MCF2L: variants seen among roughly 807,000 people sequenced by gnomAD.
MCF2L encodes MCF.2 cell line derived transforming sequence like, also known as guanine nucleotide exchange factor DBS.
Under a neutral mutation model 153.4 loss-of-function variants are expected in MCF2L, and 97 were observed. The observed-to-expected ratio is 0.63, with a 90% CI of 0.54 to 0.75. The LOEUF is 0.75. Ranked by LOEUF, MCF2L falls within the 30% of genes least tolerant of loss-of-function variation. The pLI is 0.00. For missense variants in MCF2L, 1,347 were observed against 1,495.2 expected (o/e 0.90, Z 1.64); for synonymous variants, 659 against 632.2 (o/e 1.04, Z -0.64).
rs774812066 is a variant in MCF2L at position 113,035,546 on chromosome 13, C to G, written c.279-9725C>G. Among the ~76,000 whole-genome samples the G allele has an allele frequency of 6.6e-6, 1 of 152,204 alleles. No individual in the cohort carries two copies. The highest frequency in any genetic ancestry group is 1.5e-5 in the Non-Finnish European group (1 of 68,038). Reference sequence around the variant, plus strand: ...GTCCTGTCTCCCCTCCTCTGGCCCCCTCCCTGGCTCCTTCGCCTGCTGCCT... The same window carrying G: ...GTCCTGTCTCCCCTCCTCTGGCCCCGTCCCTGGCTCCTTCGCCTGCTGCCT... On this transcript the variant is annotated intron_variant, in intron 3 of 29. Transcript: ENST00000535094. The surrounding 1 kb of genome is among the most constrained non-coding windows in gnomAD (Gnocchi z 4.4).
chr13:113,088,223 C>A (rs1220833203), intron 23 of MCF2L, 104 bp from the exon 24 acceptor site: 15 of 1,040,964 alleles, frequency 1.4e-5, no homozygotes, highest in East Asian at 2.4e-5. Flanking sequence ...GCCACCTGAC[C>A]TTTGACTCCT....
intron 3 of MCF2L, among the ~76,000 whole-genome samples, chr13:113,032,523 C>A (rs1161881841): frequency 6.6e-6 from 1 of 152,094 alleles, no homozygotes; most frequent in African/African-American, 2.4e-5. Context: ...TGTGTCGTGG[C>A]GCCCTTCTAC....
At chr13:113,058,281 A>G (rs1262626169) in intron 4 of MCF2L, among the ~76,000 whole-genome samples, 5 of 129,206 alleles carry the variant, frequency 3.9e-5, no homozygotes, top group African/African-American at 1.5e-4. Flanking sequence ...GTGGGTGCTG[A>G]GTGTTTGGGC....
rs2086836339 is a variant in MCF2L, at chr13:113,046,667, C to T, written c.369+1306C>T. 13 of 532,988 alleles carry T rather than the reference C, an allele frequency of 2.4e-5. No homozygotes were observed. Among genetic ancestry groups the T allele is most frequent in the Admixed American group, 1.2e-4 (6 of 51,492 alleles). The allele number at this position is 532,988 out of a possible 1,614,324, so 33.0% of individuals were successfully genotyped here. Reference sequence around the variant, plus strand: ...TTTTGGTGCAAGCCTGTCCCTGAGCCGCTGGTTCTCATCGAAGTCTTTAGG... The same window carrying T: ...TTTTGGTGCAAGCCTGTCCCTGAGCTGCTGGTTCTCATCGAAGTCTTTAGG... On this transcript the variant is annotated intron_variant, in intron 4 of 29. Coordinates refer to ENST00000535094, the MANE Select transcript of MCF2L (RefSeq NM_001112732.3). This position sits in a 1 kb window ranked among gnomAD's most constrained non-coding sequence, Gnocchi z 4.4.
chr13:112,922,242 GC>G (rs372199997), intron 2 of MCF2L, among the ~76,000 whole-genome samples: 4 of 152,170 alleles, frequency 2.6e-5, no homozygotes, highest in African/African-American at 9.7e-5. Flanking sequence ...TACTGATAGA[GC>G]CAAAGTCTAG....
chr13:112,900,755 AG>A (rs2140492997), intron 1 of MCF2L, among the ~76,000 whole-genome samples: 1 of 152,118 alleles, frequency 6.6e-6, no homozygotes, highest in South Asian at 2.1e-4. Flanking sequence ...TGTCCTGGGC[AG>A]GCTTCGTCCT....
chr13:113,030,778 G>A (rs1378635237), intron 3 of MCF2L, among the ~76,000 whole-genome samples: 3 of 152,220 alleles, frequency 2.0e-5, no homozygotes, highest in Non-Finnish European at 4.4e-5. Flanking sequence ...AGAGGCGATA[G>A]AGACCAGCGA....
intron 18 of MCF2L, 87 bp from the exon 19 acceptor site, chr13:113,084,805 T>C: frequency 1.0e-6 from 1 of 980,464 alleles, no homozygotes; most frequent in Non-Finnish European, 1.6e-6. Flanking sequence ...TGCCCGTCCC[T>C]CACCGCGTAA....
intron 2 of MCF2L, among the ~76,000 whole-genome samples, chr13:112,942,525 C>A (rs1164863354): frequency 6.6e-6 from 1 of 152,192 alleles, no homozygotes; most frequent in Non-Finnish European, 1.5e-5. Flanking sequence ...TTTCTTTTAT[C>A]TCTTTGTCTT....
chr13:113,057,092 G>A (rs1458544071), intron 4 of MCF2L, among the ~76,000 whole-genome samples: 3 of 147,782 alleles, frequency 2.0e-5, no homozygotes, highest in African/African-American at 7.5e-5. Context: ...GGTGCTGAGT[G>A]TTTGGGTGCT....
At chr13:112,959,846 C>T (rs1250920607) in intron 2 of MCF2L, among the ~76,000 whole-genome samples, 1 of 152,200 alleles carries the variant, frequency 6.6e-6, no homozygotes, top group African/African-American at 2.4e-5. Flanking sequence ...CGAATTTAGA[C>T]TATTTGGAGT....
At chr13:113,022,272 T>C (rs2084927715) in intron 2 of MCF2L, among the ~76,000 whole-genome samples, 1 of 151,534 alleles carries the variant, frequency 6.6e-6, no homozygotes, top group Non-Finnish European at 1.5e-5. Flanking sequence ...CACTCCAAGC[T>C]CCCAGGCTGC....
At position 113,070,012 on chromosome 13, in the gene MCF2L, T is replaced by G; in HGVS notation, c.882-47T>G. The G allele has an allele frequency of 1.4e-6, 2 of 1,398,702 alleles. No individual in the cohort carries two copies. Among genetic ancestry groups the G allele is most frequent in the Non-Finnish European group, 2.0e-6 (2 of 1,001,060 alleles). The allele number at this position is 1,398,702 out of a possible 1,614,324, so 86.6% of individuals were successfully genotyped here. A position where few individuals can be genotyped will look rare whatever the true frequency, so the allele number is the denominator to read the frequency against. ...AACACCCACCGCGCTCCACGTTGCA[T>G]GGGGCGCCGTGGGCCACACAGACGG... is the stretch of plus-strand genomic sequence containing the variant. On this transcript the variant is annotated intron_variant, in intron 8 of 29. Transcript: ENST00000535094. This position sits in a 1 kb window ranked among gnomAD's most constrained non-coding sequence, Gnocchi z 5.6.
intron 1 of MCF2L, among the ~76,000 whole-genome samples, chr13:113,004,748 C>T (rs960938956): frequency 2.0e-5 from 3 of 152,226 alleles, no homozygotes; most frequent in African/African-American, 4.8e-5. Context: ...CTGTGGCAGC[C>T]GCTGGCCCAC....
At chr13:112,992,079 C>T (rs933686697) in intron 1 of MCF2L, among the ~76,000 whole-genome samples, 2 of 152,256 alleles carry the variant, frequency 1.3e-5, no homozygotes, top group Non-Finnish European at 2.9e-5. Context: ...ACACCTGACC[C>T]GACAGTCACA....
chr13:112,896,457 G>GCCC (rs59245470), intron 1 of MCF2L, among the ~76,000 whole-genome samples: 6,396 of 151,278 alleles, frequency 0.042, 479 homozygotes, highest in African/African-American at 0.15. Flanking sequence ...CAGAAGAGAG[G>GCCC]CCCCCCCTGT....
intron 26 of MCF2L, chr13:113,093,610 G>A (rs570874145): frequency 6.6e-6 from 1 of 152,438 alleles, no homozygotes; most frequent in South Asian, 2.1e-4. Context: ...TCCATCGCAA[G>A]GAAACGCTTG....
intron 4 of MCF2L, among the ~76,000 whole-genome samples, chr13:113,056,553 C>G (rs1267731560): frequency 3.4e-5 from 4 of 118,216 alleles, no homozygotes; most frequent in Non-Finnish European, 6.7e-5. Flanking sequence ...TGAGTGGGCA[C>G]TGAGTGGGCG....
intron 3 of MCF2L, chr13:113,043,669 A>C (rs1487395485): frequency 6.6e-6 from 1 of 152,312 alleles, no homozygotes; most frequent in Non-Finnish European, 1.5e-5. Flanking sequence ...CTCAGACTCA[A>C]GAAGTAAATA....
Sources: allele counts gnomAD v4.1 joint callset (sites outside exome capture counted in the v4.1 genomes callset), GRCh38; gene constraint gnomAD v4.1.1; non-coding constraint Gnocchi (gnomAD v3.1); transcripts MANE v1.5; gene names NCBI Gene and HGNC (gene_info 2026-07-23, HGNC 2026-07-21).